The following NUFIP1 variants were observed in gnomAD, a reference collection of about 807,000 sequenced individuals.
The protein encoded by NUFIP1 is nuclear FMR1 interacting protein 1.
Under a neutral mutation model 56.2 loss-of-function variants are expected in NUFIP1, and 38 were observed. The observed-to-expected ratio is 0.68, with a 90% CI of 0.52 to 0.89. NUFIP1 has a LOEUF of 0.89. Ranked by LOEUF, NUFIP1 falls within the 40% of genes least tolerant of loss-of-function variation. NUFIP1 has a pLI of 0.00. For missense variants in NUFIP1, 567 were observed against 605.8 expected (o/e 0.94, Z 0.67); for synonymous variants, 215 against 212.4 (o/e 1.01, Z -0.10).
chr13:44,984,566 C>G (rs1872314556), intron 1 of NUFIP1, among the ~76,000 whole-genome samples: 1 of 152,090 alleles, frequency 6.6e-6, no homozygotes, highest in African/African-American at 2.4e-5. Context: ...CCCTTGAACC[C>G]AGGAGGTGGA....
chr13:44,971,243 T>C (rs942008783), intron 5 of NUFIP1, among the ~76,000 whole-genome samples: 6 of 152,058 alleles, frequency 3.9e-5, no homozygotes, highest in Admixed American at 3.9e-4. Context: ...ATAAATAAAC[T>C]TCATCCAAAA....
At chr13:44,986,691 C>CA (rs1190227669) in intron 1 of NUFIP1, among the ~76,000 whole-genome samples, 894 of 53,614 alleles carry the variant, frequency 0.017, 9 homozygotes, top group East Asian at 0.077. Context: ...GACTCCATCT[C>CA]AAAAAAAAAA....
intron 1 of NUFIP1, among the ~76,000 whole-genome samples, chr13:44,982,590 G>C (rs1430754605): frequency 6.6e-6 from 1 of 151,436 alleles, no homozygotes. Flanking sequence ...CAGAAATTCT[G>C]ATCTTCCACC....
At chr13:44,944,113 G>A (rs1870838185) in intron 8 of NUFIP1, among the ~76,000 whole-genome samples, 1 of 152,062 alleles carries the variant, frequency 6.6e-6, no homozygotes, top group East Asian at 1.9e-4. Context: ...TAGTAAAAAG[G>A]CAGAAGGAAT....
rs933457895 is a variant in NUFIP1, at chr13:44,939,338, T to C, written c.*1868A>G. On this transcript the variant is annotated 3_prime_UTR_variant, in exon 10 of 10. Transcript: ENST00000379161. Reference sequence around the variant, plus strand: ...GATTAAGGAAAATAGAAGTCAATTATAGAGGATATGAGAAAAAGTAAAGTA... The same window carrying C: ...GATTAAGGAAAATAGAAGTCAATTACAGAGGATATGAGAAAAAGTAAAGTA... 2.6e-5 allele frequency: 4 copies of C among 152,158 alleles called. No individual in the cohort carries two copies. Among genetic ancestry groups the C allele is most frequent in the African/African-American group, 7.2e-5 (3 of 41,446 alleles). 9.4% of individuals were successfully genotyped at this position (152,158 alleles called of 1,614,324 possible).
intron 1 of NUFIP1, among the ~76,000 whole-genome samples, chr13:44,982,661 T>C (rs1289460194): frequency 6.7e-6 from 1 of 149,682 alleles, no homozygotes; most frequent in East Asian, 1.9e-4. Flanking sequence ...CCTTACATAC[T>C]GACACCAAAA....
At chr13:44,978,849 A>G (rs1872080593) in intron 5 of NUFIP1, among the ~76,000 whole-genome samples, 1 of 152,192 alleles carries the variant, frequency 6.6e-6, no homozygotes, top group African/African-American at 2.4e-5. Flanking sequence ...ATGGGTAGTC[A>G]TGTGCCAGAT....
At chr13:44,955,959 C>A (rs9534011) in intron 7 of NUFIP1, among the ~76,000 whole-genome samples, 1 of 151,226 alleles carries the variant, frequency 6.6e-6, no homozygotes, top group Non-Finnish European at 1.5e-5. Context: ...CTGGCTAACA[C>A]GGTGAAACCC....
At chr13:44,952,567 C>A (rs1251947058) in intron 7 of NUFIP1, among the ~76,000 whole-genome samples, 1 of 152,212 alleles carries the variant, frequency 6.6e-6, no homozygotes, top group Non-Finnish European at 1.5e-5. Flanking sequence ...TCCCTCCTCC[C>A]TTCTTTTTTA....
At chr13:44,949,259 T>A (rs1207452537) in intron 8 of NUFIP1, among the ~76,000 whole-genome samples, 1 of 136,452 alleles carries the variant, frequency 7.3e-6, no homozygotes, top group Non-Finnish European at 1.5e-5. Context: ...TGGAGTGCAG[T>A]GGCGGGATCT....
intron 1 of NUFIP1, among the ~76,000 whole-genome samples, 159 bp from the exon 2 acceptor site, chr13:44,982,313 G>C (rs1872222600): frequency 1.3e-5 from 2 of 152,140 alleles, no homozygotes; most frequent in Admixed American, 1.3e-4. Context: ...CAAAGATTAA[G>C]ATTAGTCTAC....
At chr13:44,950,840 A>T (rs555688479) in intron 7 of NUFIP1, among the ~76,000 whole-genome samples, 1 of 152,324 alleles carries the variant, frequency 6.6e-6, no homozygotes, top group Admixed American at 6.5e-5. Flanking sequence ...TAGTAACTCT[A>T]TTCTAGACAA....
At chr13:44,976,143 T>C (rs191167645) in intron 5 of NUFIP1, among the ~76,000 whole-genome samples, 2 of 152,294 alleles carry the variant, frequency 1.3e-5, no homozygotes, top group Non-Finnish European at 2.9e-5. Flanking sequence ...AAACCTAGTG[T>C]CTTAGCAGTT....
At chr13:44,959,115 A>G (rs895845731) in intron 7 of NUFIP1, among the ~76,000 whole-genome samples, 4 of 152,204 alleles carry the variant, frequency 2.6e-5, no homozygotes, top group Non-Finnish European at 5.9e-5. Flanking sequence ...GAAATTTCTA[A>G]GATTACCTCA....
intron 8 of NUFIP1, among the ~76,000 whole-genome samples, chr13:44,948,638 C>T (rs139619194): frequency 2.4e-4 from 37 of 152,214 alleles, no homozygotes; most frequent in Admixed American, 9.2e-4. Flanking sequence ...TAGATTTATT[C>T]ATTAAACATA....
chr13:44,943,657 C>T lies in NUFIP1; in HGVS notation c.1156G>A (p.Glu386Lys), dbSNP rs767935227. Residue 386 changes from glutamate to lysine, a missense_variant, in exon 9 of 10, where the codon GAA (glutamate) becomes AAA (lysine). Physicochemically the swap from Glu to Lys is moderately conservative, Grantham distance 56 (BLOSUM62 1). Transcript: ENST00000379161. ...TGGTTTTCTGCCAAAACGTCTGCTT[C>T]AGTCTTGATGGGAGTTTCTAAGTGT... ...SEPEETPIKT[E>K]ADVLAENQVL... The T allele has an allele frequency of 6.2e-7, 1 of 1,612,536 alleles. No individual in the cohort carries two copies. Among genetic ancestry groups the T allele is most frequent in the African/African-American group, 1.3e-5 (1 of 74,768 alleles).
intron 7 of NUFIP1, among the ~76,000 whole-genome samples, chr13:44,954,816 TG>T (rs1196020293): frequency 6.6e-6 from 1 of 152,222 alleles, no homozygotes; most frequent in Non-Finnish European, 1.5e-5. Flanking sequence ...CCATGACACC[TG>T]ATGTGCTGGG....
intron 5 of NUFIP1, among the ~76,000 whole-genome samples, chr13:44,969,351 G>A (rs1346409911): frequency 6.6e-6 from 1 of 152,074 alleles, no homozygotes; most frequent in Non-Finnish European, 1.5e-5. Flanking sequence ...CGAAAAAAAA[G>A]GAGTTCTGAT....
intron 9 of NUFIP1, among the ~76,000 whole-genome samples, chr13:44,942,319 A>C (rs1044881523): frequency 6.6e-6 from 1 of 152,214 alleles, no homozygotes; most frequent in Non-Finnish European, 1.5e-5. Context: ...TAGTTTGCCA[A>C]AAAGGAATTT....
Sources: allele counts gnomAD v4.1 joint callset (sites outside exome capture counted in the v4.1 genomes callset), GRCh38; gene constraint gnomAD v4.1.1; transcripts MANE v1.5; gene names NCBI Gene and HGNC (gene_info 2026-07-23, HGNC 2026-07-21).